PCDHA13: variants seen among roughly 807,000 people sequenced by gnomAD.
PCDHA13 encodes protocadherin alpha-13.
Under a neutral mutation model 64.8 loss-of-function variants are expected in PCDHA13, and 54 were observed. The observed-to-expected ratio is 0.83, with a 90% confidence interval of 0.67 to 1.04. The LOEUF (loss-of-function observed/expected upper bound fraction) is 1.04, where lower values mean the gene tolerates loss of function less well. Among genes scored for constraint, PCDHA13 ranks in the 50% least tolerant of loss-of-function variants. The pLI, the probability that PCDHA13 is intolerant of heterozygous loss-of-function variation, is 0.00. For synonymous variants in PCDHA13, 587 were observed against 564.4 expected (o/e 1.04, Z -0.57); for missense variants, 1,248 against 1,254.3 (o/e 0.99, Z 0.08).
At position 140,998,569 on chromosome 5, in the gene PCDHA13, G is replaced by GTTT. The variant is rs71574497; in HGVS notation, c.2543-11048_2543-11046dup. ...TTAATGTCTAATTTATTGTAAATAA[G>GTTT]TTTTTTTTTTTTGAGACAGAGTTTT... On this transcript the variant is annotated intron_variant, in intron 3 of 3. Transcript: ENST00000289272. Among the ~76,000 whole-genome samples, 105 of 149,398 alleles carry GTTT rather than the reference G, an allele frequency of 7.0e-4. 1 individual carries two copies. Among genetic ancestry groups the GTTT allele is most frequent in the Middle Eastern group, 3.4e-3 (1 of 292 alleles).
Position 140,882,374 on chromosome 5 carries a change from C to G in PCDHA13, c.106C>G (p.Pro36Ala). ...TAGTGGCCAGCTCCACTACTCCGTCCCCGAGGAAGCAAAACACGGCACCTT... is the reference window on the plus strand; with the variant it reads ...TAGTGGCCAGCTCCACTACTCCGTCGCCGAGGAAGCAAAACACGGCACCTT... ...TGSGQLHYSV[P>A]EEAKHGTFVG... Residue 36 changes from proline to alanine, a missense_variant, in exon 1 of 4, where the codon CCC becomes GCC. Coordinates refer to ENST00000289272, the MANE Select transcript of PCDHA13 (RefSeq NM_018904.3). The G allele has an allele frequency of 6.2e-7, 1 of 1,614,186 alleles. No individual in the cohort carries two copies. Among genetic ancestry groups the G allele is most frequent in the Non-Finnish European group, 8.5e-7 (1 of 1,180,050 alleles).
intron 1 of PCDHA13, among the ~76,000 whole-genome samples, chr5:140,886,110 G>A (rs1332872994): frequency 6.6e-6 from 1 of 152,164 alleles, no homozygotes; most frequent in Non-Finnish European, 1.5e-5. Context: ...CAGTAAAGAA[G>A]TAACATAGTT....
intron 1 of PCDHA13, among the ~76,000 whole-genome samples, chr5:140,893,847 C>T (rs962788536): frequency 6.6e-6 from 1 of 152,134 alleles, no homozygotes; most frequent in African/African-American, 2.4e-5. Flanking sequence ...TGATGCCCTA[C>T]CTCTTGTATA....
intron 1 of PCDHA13, among the ~76,000 whole-genome samples, chr5:140,909,000 G>C (rs569548757): frequency 9.8e-5 from 15 of 152,296 alleles, no homozygotes; most frequent in Non-Finnish European, 1.8e-4. Flanking sequence ...AAATTTTACT[G>C]AGGTAGAAGG....
chr5:140,946,731 G>T (rs1183627101), intron 1 of PCDHA13, among the ~76,000 whole-genome samples: 1 of 150,574 alleles, frequency 6.6e-6, no homozygotes, highest in African/African-American at 2.5e-5. Flanking sequence ...AATAAGCCAG[G>T]CACAGAAAGA....
At chr5:140,926,472 T>G in intron 1 of PCDHA13, 1 of 163,134 alleles carries the variant, frequency 6.1e-6, no homozygotes, top group East Asian at 1.8e-4. Context: ...AAAACACCGT[T>G]TAAGGAGAGA....
At chr5:140,927,564 GGACACAAAT>G in intron 1 of PCDHA13, 1 of 1,614,150 alleles carries the variant, frequency 6.2e-7, no homozygotes, top group Admixed American at 1.7e-5. Context: ...TCATTGTGGT[GGACACAAAT>G]GACAACGCGC....
intron 1 of PCDHA13, among the ~76,000 whole-genome samples, chr5:140,911,647 G>A (rs1554194849): frequency 2.0e-5 from 3 of 152,160 alleles, no homozygotes; most frequent in African/African-American, 7.2e-5. Flanking sequence ...ATTACATATA[G>A]AGTTACTAAA....
intron 1 of PCDHA13, chr5:140,929,169 T>C: frequency 6.2e-7 from 1 of 1,614,188 alleles, no homozygotes; most frequent in Non-Finnish European, 8.5e-7. Flanking sequence ...ATCGGGCCTC[T>C]CTGGGACTTG....
At chr5:140,997,399 C>T (rs1453624678) in intron 3 of PCDHA13, among the ~76,000 whole-genome samples, 1 of 152,118 alleles carries the variant, frequency 6.6e-6, no homozygotes, top group Non-Finnish European at 1.5e-5. Flanking sequence ...TAGGCTCTAT[C>T]GTATGGCCTA....
rs1430300644 is a variant in PCDHA13 at position 141,011,992 on chromosome 5, C to T, written c.*2055C>T. 6.5e-6 allele frequency: 1 copy of T among 153,658 alleles called. No individual in the cohort carries two copies. The highest frequency in any genetic ancestry group is 1.5e-5 in the Non-Finnish European group (1 of 68,022). 9.5% of individuals were successfully genotyped at this position (153,658 alleles called of 1,614,324 possible). ...TGTCTTGTCTACTTTTAGCTTCATTCTCCCATATTTTGAAGGGTGTGTAAC... is the reference window on the plus strand; with the variant it reads ...TGTCTTGTCTACTTTTAGCTTCATTTTCCCATATTTTGAAGGGTGTGTAAC... On this transcript the variant is annotated 3_prime_UTR_variant, in exon 4 of 4. Transcript: ENST00000289272.
At position 140,927,719 on chromosome 5, in the gene PCDHA13, C is replaced by A. The variant is rs144571902; in HGVS notation, c.2394+43057C>A. Reference sequence around the variant, plus strand: ...GTCCAGTACTCCCTAAGCAACAGCACGCAAGCAGAGCTGCGACACCGCTTT... The same window carrying A: ...GTCCAGTACTCCCTAAGCAACAGCAAGCAAGCAGAGCTGCGACACCGCTTT... On this transcript the variant is annotated intron_variant, in intron 1 of 3. Transcript: ENST00000289272. The A allele has an allele frequency of 2.2e-4, 352 of 1,614,178 alleles. No individual in the cohort carries two copies. In the Middle Eastern group the frequency reaches 2.3e-3, roughly 11 times the overall value.
intron 1 of PCDHA13, chr5:140,928,252 G>C (rs1377533547): frequency 2.5e-6 from 4 of 1,614,208 alleles, no homozygotes; most frequent in Non-Finnish European, 3.4e-6. Flanking sequence ...GGAACTTTTC[G>C]TTGCTGAAAA....
At chr5:140,928,143 C>T (rs983552748) in intron 1 of PCDHA13, 2 of 1,614,228 alleles carry the variant, frequency 1.2e-6, no homozygotes, top group Middle Eastern at 1.6e-4. Context: ...TGATCACGGC[C>T]TCAGATAGTG....
At chr5:140,939,841 T>C (rs1269688667) in intron 1 of PCDHA13, among the ~76,000 whole-genome samples, 5 of 152,344 alleles carry the variant, frequency 3.3e-5, no homozygotes, top group Middle Eastern at 3.4e-3. Context: ...TGCTTGTTGT[T>C]GTGTTCTGTA....
At chr5:140,973,398 C>G (rs2096585734) in intron 1 of PCDHA13, among the ~76,000 whole-genome samples, 1 of 152,230 alleles carries the variant, frequency 6.6e-6, no homozygotes, top group East Asian at 1.9e-4. Flanking sequence ...GAAATCATAT[C>G]TATGAGCTTC....
chr5:140,924,165 C>G (rs782754845), intron 1 of PCDHA13, among the ~76,000 whole-genome samples: 5 of 152,230 alleles, frequency 3.3e-5, no homozygotes, highest in Admixed American at 1.3e-4. Context: ...ATCCTAATCT[C>G]TGGCACTGAA....
In PCDHA13 at chr5:140,882,906, C is replaced by G; in HGVS notation, c.638C>G (p.Thr213Arg). ...ATTCAGGAACATAGTTTATTACTGACAGCCAGTGATGGAGGTAAACCCGAG... is the reference window on the plus strand; with the variant it reads ...ATTCAGGAACATAGTTTATTACTGAGAGCCAGTGATGGAGGTAAACCCGAG... ...EEIQEHSLLL[T>R]ASDGGKPELT... is the part of the protein sequence containing the mutation. The change falls in exon 1 of 4, where the codon ACA becomes AGA. Residue 213 changes from threonine to arginine, a missense_variant. Physicochemically the swap from Thr to Arg is moderately conservative, Grantham distance 71. Coordinates refer to ENST00000289272, the MANE Select transcript of PCDHA13 (RefSeq NM_018904.3). 1 of 1,614,200 alleles carries G rather than the reference C, an allele frequency of 6.2e-7. No homozygotes were observed. Among genetic ancestry groups the G allele is most frequent in the Non-Finnish European group, 8.5e-7 (1 of 1,180,036 alleles).
intron 3 of PCDHA13, among the ~76,000 whole-genome samples, chr5:140,986,799 CTTAG>C (rs782752084): frequency 3.9e-5 from 6 of 152,154 alleles, no homozygotes; most frequent in South Asian, 4.1e-4. Context: ...GGCAGTGAGT[CTTAG>C]TTAGAGAACT....
Sources: allele counts gnomAD v4.1 joint callset (sites outside exome capture counted in the v4.1 genomes callset), GRCh38; gene constraint gnomAD v4.1.1; transcripts MANE v1.5; gene names NCBI Gene and HGNC (gene_info 2026-07-23, HGNC 2026-07-21).